C14orf132: variants seen among roughly 807,000 people sequenced by gnomAD.
C14orf132 encodes chromosome 14 open reading frame 132.
In C14orf132, 6 loss-of-function variants were observed where a neutral mutation model predicts 5.8. The observed-to-expected ratio is 1.03, with a 90% CI of 0.57 to 2.04. The LOEUF (loss-of-function observed/expected upper bound fraction) is 2.04, where lower values mean the gene tolerates loss of function less well. C14orf132 is among the 30% of genes most tolerant of loss of function. The pLI is 0.00. For synonymous variants in C14orf132, 51 were observed against 49.8 expected (o/e 1.02, Z -0.10); for missense variants, 125 against 115.8 (o/e 1.08, Z -0.37).
chr14:96,043,471 G>T (rs1886748723), intron 1 of C14orf132, among the ~76,000 whole-genome samples: 1 of 152,136 alleles, frequency 6.6e-6, no homozygotes, highest in South Asian at 2.1e-4. Context: ...CCTTCTTTTT[G>T]TCTTGCACTG....
chr14:96,054,298 C>T (rs1030817857), intron 1 of C14orf132, among the ~76,000 whole-genome samples: 4 of 152,156 alleles, frequency 2.6e-5, no homozygotes, highest in African/African-American at 4.8e-5. Flanking sequence ...ACTGCGCTGC[C>T]GGGGAAATCA....
chr14:96,075,084 G>T (rs1304896060), intron 1 of C14orf132, among the ~76,000 whole-genome samples: 1 of 152,020 alleles, frequency 6.6e-6, no homozygotes, highest in African/African-American at 2.4e-5. Context: ...GATCTTCTTT[G>T]CTATTTCATC....
intron 1 of C14orf132, among the ~76,000 whole-genome samples, chr14:96,053,056 C>T (rs1252923290): frequency 2.0e-5 from 3 of 152,170 alleles, no homozygotes; most frequent in Non-Finnish European, 2.9e-5. Flanking sequence ...ACTTCCACTT[C>T]CAGTGCTGAA....
At chr14:96,078,166 A>T (rs1887931484) in intron 1 of C14orf132, among the ~76,000 whole-genome samples, 1 of 152,036 alleles carries the variant, frequency 6.6e-6, no homozygotes, top group African/African-American at 2.4e-5. Context: ...GAGCCCCCAC[A>T]CTCTTCAGAC....
Position 96,091,357 on chromosome 14 carries a change from G to A in C14orf132, c.*4622G>A, listed in dbSNP as rs1204508961. On this transcript the variant is annotated 3_prime_UTR_variant, in exon 2 of 2. Coordinates refer to ENST00000555004, the MANE Select transcript of C14orf132 (RefSeq NM_001252507.3). Reference sequence around the variant, plus strand: ...GTTCCAGAACCTCACAGTGATAAGAGGCTTTAGAGAGCATCTAATCGAGAC... The same window carrying A: ...GTTCCAGAACCTCACAGTGATAAGAAGCTTTAGAGAGCATCTAATCGAGAC... The A allele has an allele frequency of 1.5e-5, 4 of 264,726 alleles. No homozygotes were observed. Among genetic ancestry groups the A allele is most frequent in the Admixed American group, 1.5e-4 (3 of 19,876 alleles). The allele number at this position is 264,726 out of a possible 1,614,324, so 16.4% of individuals were successfully genotyped here.
At position 96,040,375 on chromosome 14, in the gene C14orf132, C is replaced by T. The variant is rs574192178; in HGVS notation, c.27+848C>T. The stretch of plus-strand genomic sequence containing the variant: ...TGCGTTTGGCCTGGGAGAGTAAGTC[C>T]CAATCTACCAAAGCCACATCTTGCA... On this transcript the variant is annotated intron_variant, in intron 1 of 1. Coordinates refer to ENST00000555004, the MANE Select transcript of C14orf132 (RefSeq NM_001252507.3). The T allele has an allele frequency of 1.4e-3, 544 of 398,442 alleles. 3 individuals are homozygous for T. Among genetic ancestry groups the T allele is most frequent in the Middle Eastern group, 0.01 (16 of 1,586 alleles). 24.7% of individuals were successfully genotyped at this position (398,442 alleles called of 1,614,324 possible).
chr14:96,044,636 T>A (rs1886785173), intron 1 of C14orf132, among the ~76,000 whole-genome samples: 1 of 152,148 alleles, frequency 6.6e-6, no homozygotes, highest in African/African-American at 2.4e-5. Flanking sequence ...AGGGCCAAAG[T>A]AGTCTCTCTG....
At chr14:96,062,497 A>G (rs777399891) in intron 1 of C14orf132, among the ~76,000 whole-genome samples, 3 of 152,116 alleles carry the variant, frequency 2.0e-5, no homozygotes, top group South Asian at 2.1e-4. Context: ...AAAAGCTGAC[A>G]TGGAGATTGC....
chr14:96,048,952 T>A (rs1260844402), intron 1 of C14orf132, among the ~76,000 whole-genome samples: 2 of 152,176 alleles, frequency 1.3e-5, no homozygotes, highest in African/African-American at 4.8e-5. Context: ...TGAGATGGAG[T>A]CTCGCTCTGT....
At chr14:96,081,033 C>T (rs1023556044) in intron 1 of C14orf132, among the ~76,000 whole-genome samples, 8 of 152,224 alleles carry the variant, frequency 5.3e-5, no homozygotes, top group African/African-American at 1.9e-4. Context: ...ATCATGTTTG[C>T]CTTGTCTTTC....
intron 1 of C14orf132, among the ~76,000 whole-genome samples, chr14:96,080,730 G>A (rs996424185): frequency 2.0e-5 from 3 of 152,132 alleles, no homozygotes; most frequent in South Asian, 2.1e-4. Flanking sequence ...GCCCCTGGAG[G>A]ATGCTGTCCC....
intron 1 of C14orf132, chr14:96,051,229 T>C (rs1389339344): frequency 4.8e-5 from 19 of 398,566 alleles, no homozygotes; most frequent in Non-Finnish European, 6.2e-5. Flanking sequence ...CCAGGTATCC[T>C]GTGACAGGAT....
intron 1 of C14orf132, among the ~76,000 whole-genome samples, chr14:96,073,345 T>G (rs1438688772): frequency 3.3e-5 from 5 of 152,180 alleles, no homozygotes; most frequent in Non-Finnish European, 7.4e-5. Context: ...AACTGGGTTG[T>G]TTTCCAGCCT....
Position 96,039,399 on chromosome 14 carries a change from CG to C in C14orf132, c.-100del. 1 of 1,241,388 alleles carries C rather than the reference CG, an allele frequency of 8.1e-7. No individual in the cohort carries two copies. The highest frequency in any genetic ancestry group is 1.9e-5 in the South Asian group (1 of 53,548). The allele number at this position is 1,241,388 out of a possible 1,614,324, so 76.9% of individuals were successfully genotyped here. A position where few individuals can be genotyped will look rare whatever the true frequency, so the allele number is the denominator to read the frequency against. On this transcript the variant is annotated 5_prime_UTR_variant, in exon 1 of 2. Transcript: ENST00000555004. The surrounding 1 kb of genome is among the most constrained non-coding windows in gnomAD (Gnocchi z 5.3). ...ACAGCCGAGTGCGCCGTGCGGTCTC[CG>C]GACGCTCGCTGCTCAGCCCGATCCC...
chr14:96,049,610 ACATATATACG>A (rs1886959449), intron 1 of C14orf132, among the ~76,000 whole-genome samples: 16 of 117,664 alleles, frequency 1.4e-4, no homozygotes, highest in African/African-American at 5.0e-4. Flanking sequence ...GTATATATAT[ACATATATACG>A]TATATATATA....
intron 1 of C14orf132, among the ~76,000 whole-genome samples, chr14:96,051,601 G>A (rs984702250): frequency 2.0e-5 from 3 of 152,148 alleles, no homozygotes; most frequent in African/African-American, 7.2e-5. Context: ...ACACCTGAGG[G>A]GGGCTGACTA....
intron 1 of C14orf132, among the ~76,000 whole-genome samples, chr14:96,081,929 T>G (rs944887432): frequency 2.0e-5 from 3 of 152,308 alleles, no homozygotes; most frequent in African/African-American, 7.2e-5. Context: ...TTGTTGTTTC[T>G]TTTTTTAATC....
At chr14:96,053,524 GC>G (rs1372367281) in intron 1 of C14orf132, among the ~76,000 whole-genome samples, 2 of 152,244 alleles carry the variant, frequency 1.3e-5, no homozygotes, top group Non-Finnish European at 1.5e-5. Context: ...CAGACCCCTG[GC>G]CCCCAGAATG....
intron 1 of C14orf132, among the ~76,000 whole-genome samples, chr14:96,049,553 C>CGTATATACGT (rs1886945899): frequency 7.9e-6 from 1 of 126,372 alleles, no homozygotes; most frequent in African/African-American, 2.8e-5. Context: ...TATATATATA[C>CGTATATACGT]ATATATACGT....
Sources: gnomAD v4.1 joint callset for allele counts (sites outside exome capture counted in the v4.1 genomes callset) on GRCh38, gnomAD v4.1.1 for gene constraint, Gnocchi (gnomAD v3.1) non-coding constraint, MANE v1.5 for transcripts, NCBI Gene and HGNC (gene_info 2026-07-23, HGNC 2026-07-21) for gene names.